RBM47: variants seen among roughly 807,000 people sequenced by gnomAD.
The protein encoded by RBM47 is RNA-binding protein 47.
Under a neutral mutation model 47.1 loss-of-function variants are expected in RBM47, and 21 were observed. The observed-to-expected ratio is 0.45, with a 90% CI of 0.32 to 0.64. The LOEUF (loss-of-function observed/expected upper bound fraction) is 0.64, where lower values mean the gene tolerates loss of function less well. RBM47 is among the 30% of genes least tolerant of loss of function. The pLI, the probability that RBM47 is intolerant of heterozygous loss-of-function variation, is 0.05. For missense variants in RBM47, 708 were observed against 870.9 expected, an observed-to-expected ratio of 0.81 and a Z score of 2.35; for synonymous variants, 375 against 361.7, an observed-to-expected ratio of 1.04 and a Z score of -0.42.
chr4:40,475,739 T>TAATGAAAG (rs1392594346), intron 2 of RBM47: 1 of 152,228 alleles, frequency 6.6e-6, no homozygotes, highest in Non-Finnish European at 1.5e-5. Flanking sequence ...TAATGAAAGC[T>TAATGAAAG]TTGCTTAAGC....
intron 2 of RBM47, among the ~76,000 whole-genome samples, chr4:40,535,376 T>TTTTTTTTTTTTTC (rs1208864385): frequency 3.0e-5 from 4 of 134,926 alleles, no homozygotes; most frequent in African/African-American, 1.2e-4. Context: ...TATTTCTTTT[T>TTTTTTTTTTTTTC]TTTTTTTTTT....
chr4:40,471,353 G>T (rs917093056), intron 2 of RBM47, among the ~76,000 whole-genome samples: 3 of 152,024 alleles, frequency 2.0e-5, no homozygotes, highest in African/African-American at 7.2e-5. Flanking sequence ...ATCCACTCAG[G>T]CCTGCTGCAA....
intron 5 of RBM47, among the ~76,000 whole-genome samples, chr4:40,433,966 C>T (rs1207864590): frequency 7.8e-6 from 1 of 128,760 alleles, no homozygotes; most frequent in African/African-American, 2.9e-5. Flanking sequence ...GAAAAGATAT[C>T]AGCCCTTTTG....
chr4:40,601,800 G>A (rs756139082), intron 1 of RBM47, among the ~76,000 whole-genome samples: 1 of 152,158 alleles, frequency 6.6e-6, no homozygotes, highest in Non-Finnish European at 1.5e-5. Flanking sequence ...CCCAAGTTGT[G>A]GTGAAAAGAA....
Position 40,423,700 on chromosome 4 carries a change from CT to C in RBM47, c.*2203del, listed in dbSNP as rs371378298. 1 of 75,098 alleles carries C rather than the reference CT, an allele frequency of 1.3e-5. No homozygotes were observed. Among genetic ancestry groups the C allele is most frequent in the Non-Finnish European group, 2.5e-5 (1 of 40,214 alleles). 4.7% of individuals were successfully genotyped at this position (75,098 alleles called of 1,614,324 possible). A position where few individuals can be genotyped will look rare whatever the true frequency, so the allele number is the denominator to read the frequency against. ...TCTTTCTTTCTTTCTTTCTTTCTTT[CT>C]TTCTTTCTTTCTTTTCTTTCTTTTC... On this transcript the variant is annotated 3_prime_UTR_variant, in exon 7 of 7. Transcript: ENST00000295971.
intron 1 of RBM47, among the ~76,000 whole-genome samples, chr4:40,554,062 A>G (rs1017905709): frequency 6.6e-6 from 1 of 151,880 alleles, no homozygotes; most frequent in Non-Finnish European, 1.5e-5. Flanking sequence ...AAGGATGCAC[A>G]GTCCCGTATT....
intron 6 of RBM47, 58 bp from the exon 7 acceptor site, chr4:40,426,201 T>C (rs1715017698): frequency 6.4e-7 from 1 of 1,561,362 alleles, no homozygotes; most frequent in Admixed American, 1.8e-5. Context: ...CTATCATCCA[T>C]TCATTCAACA....
chr4:40,476,833 A>T (rs1188378119), intron 2 of RBM47, among the ~76,000 whole-genome samples: 1 of 152,166 alleles, frequency 6.6e-6, no homozygotes, highest in Non-Finnish European at 1.5e-5. Context: ...CTAAAACAAA[A>T]ATTTCAAAAA....
intron 1 of RBM47, among the ~76,000 whole-genome samples, chr4:40,562,548 C>G (rs1730731818): frequency 6.6e-6 from 1 of 151,038 alleles, no homozygotes; most frequent in African/African-American, 2.4e-5. Flanking sequence ...TCACTGCAAC[C>G]TCTGCCTCCG....
chr4:40,573,797 G>GAA (rs1731997282), intron 1 of RBM47, among the ~76,000 whole-genome samples: 1 of 104,466 alleles, frequency 9.6e-6, no homozygotes, highest in African/African-American at 5.2e-5. Flanking sequence ...GAGAGAGAGA[G>GAA]AAAGAAAGAA....
chr4:40,434,745 C>G (rs1712053928), intron 5 of RBM47, among the ~76,000 whole-genome samples: 1 of 142,758 alleles, frequency 7.0e-6, no homozygotes, highest in Admixed American at 7.0e-5. Context: ...CTAGAATCAT[C>G]AAAAGAAAGT....
At chr4:40,520,102 G>A (rs865785961) in intron 2 of RBM47, among the ~76,000 whole-genome samples, 4 of 152,098 alleles carry the variant, frequency 2.6e-5, no homozygotes, top group Non-Finnish European at 4.4e-5. Flanking sequence ...CCCACTTTGG[G>A]TAAGCCTTTT....
intron 1 of RBM47, among the ~76,000 whole-genome samples, chr4:40,551,696 TGGAGTGCAGTGGTG>T (rs1352505038): frequency 1.3e-5 from 2 of 151,330 alleles, no homozygotes; most frequent in Admixed American, 6.6e-5. Context: ...TTGCCCAGGT[TGGAGTGCAGTGGTG>T]GGATCTCGGC....
intron 3 of RBM47, among the ~76,000 whole-genome samples, chr4:40,451,889 G>A (rs996664939): frequency 6.6e-6 from 1 of 152,210 alleles, no homozygotes; most frequent in East Asian, 1.9e-4. Context: ...GGAAGGGGAG[G>A]CCAGGAACAG....
chr4:40,564,880 C>T (rs1330930326), intron 1 of RBM47, among the ~76,000 whole-genome samples: 6 of 152,134 alleles, frequency 3.9e-5, no homozygotes, highest in African/African-American at 1.4e-4. Context: ...CCTCTGAGGC[C>T]CGAGGATCCT....
intron 2 of RBM47, among the ~76,000 whole-genome samples, chr4:40,495,190 G>A (rs1175312757): frequency 8.5e-5 from 13 of 152,198 alleles, no homozygotes; most frequent in South Asian, 4.1e-4. Flanking sequence ...CTCTTCCTTG[G>A]TATATATTAC....
At chr4:40,477,612 G>A (rs936975454) in intron 2 of RBM47, among the ~76,000 whole-genome samples, 1 of 152,174 alleles carries the variant, frequency 6.6e-6, no homozygotes, top group Non-Finnish European at 1.5e-5. Flanking sequence ...TGGTGTGAGT[G>A]TGTGCACGTG....
intron 1 of RBM47, among the ~76,000 whole-genome samples, chr4:40,553,438 C>T (rs1050489238): frequency 6.6e-6 from 1 of 152,138 alleles, no homozygotes; most frequent in African/African-American, 2.4e-5. Flanking sequence ...GCTGGGATTA[C>T]AGGCGCATGC....
intron 1 of RBM47, among the ~76,000 whole-genome samples, chr4:40,624,870 T>C (rs968136076): frequency 1.5e-5 from 2 of 129,794 alleles, no homozygotes; most frequent in South Asian, 2.7e-4. Flanking sequence ...CTTTTTTTTT[T>C]TTTTTTTTTT....
Sources: gnomAD v4.1 joint callset for allele counts (sites outside exome capture counted in the v4.1 genomes callset) on GRCh38, gnomAD v4.1.1 for gene constraint, MANE v1.5 for transcripts, NCBI Gene and HGNC (gene_info 2026-07-23, HGNC 2026-07-21) for gene names.